LMNA: variants seen among roughly 807,000 people sequenced by gnomAD.
The protein encoded by LMNA is lamin.
A neutral mutation model predicts 70.4 loss-of-function variants in LMNA; 20 were observed. That is an observed-to-expected ratio of 0.28 (90% CI 0.20 to 0.41). The LOEUF (loss-of-function observed/expected upper bound fraction) is 0.41, where lower values mean the gene tolerates loss of function less well. LMNA is among the 10% of genes least tolerant of loss of function. LMNA has a pLI of 1.00. For synonymous variants in LMNA, 339 were observed against 372.8 expected, an observed-to-expected ratio of 0.91 and a Z score of 1.04; for missense variants, 652 against 917.2, an observed-to-expected ratio of 0.71 and a Z score of 3.73.
At chr1:156,107,519 CT>C (rs1649394273) in intron 3 of LMNA, among the ~76,000 whole-genome samples, 2 of 152,182 alleles carry the variant, frequency 1.3e-5, no homozygotes, top group Admixed American at 6.5e-5. Flanking sequence ...TGGAAGTGGG[CT>C]GGGGGGATCA....
At position 156,136,497 on chromosome 1, in the gene LMNA, GA is replaced by G; in HGVS notation, c.1380+63del. The G allele has an allele frequency of 1.4e-6, 2 of 1,475,866 alleles. No individual in the cohort carries two copies. Among genetic ancestry groups the G allele is most frequent in the Non-Finnish European group, 1.8e-6 (2 of 1,086,020 alleles). 91.4% of individuals were successfully genotyped at this position (1,475,866 alleles called of 1,614,324 possible). A position where few individuals can be genotyped will look rare whatever the true frequency, so the allele number is the denominator to read the frequency against. On this transcript the variant is annotated intron_variant, in intron 7 of 11. Coordinates refer to ENST00000368300, the MANE Select transcript of LMNA (RefSeq NM_170707.4). This position sits in a 1 kb window ranked among gnomAD's most constrained non-coding sequence, Gnocchi z 6.1. ...GCATCAGGGAGAGAGTGGCAAGACA[GA>G]AGGATGGCATGTGGAGAGAGGAACA...
chr1:156,092,304 G>A (rs1418800542), intron 3 of LMNA, among the ~76,000 whole-genome samples: 1 of 152,152 alleles, frequency 6.6e-6, no homozygotes, highest in Non-Finnish European at 1.5e-5. Flanking sequence ...AGGAGCACTT[G>A]AGTTCAAGGT....
intron 1 of LMNA, among the ~76,000 whole-genome samples, chr1:156,119,513 G>A (rs1226440498): frequency 1.3e-5 from 2 of 152,228 alleles, no homozygotes; most frequent in Non-Finnish European, 2.9e-5. Flanking sequence ...CTTGGCCTTG[G>A]CCTCCCAAAG....
At chr1:156,111,255 C>T (rs2102810637), upstream of LMNA, among the ~76,000 whole-genome samples, 1 of 152,128 alleles carries the variant, frequency 6.6e-6, no homozygotes, top group South Asian at 2.1e-4. Context: ...TCGAGACCAG[C>T]CTGGCCAACA....
At chr1:156,098,483 G>A (rs1241237183) in intron 3 of LMNA, among the ~76,000 whole-genome samples, 4 of 152,194 alleles carry the variant, frequency 2.6e-5, no homozygotes, top group Admixed American at 6.5e-5. Flanking sequence ...AAGAAGGTAC[G>A]CAACTCATGG....
In LMNA at chr1:156,138,671, A is replaced by G. The variant is rs747253572; in HGVS notation, c.1882A>G (p.Ser628Gly). 2 of 1,613,674 alleles carry G rather than the reference A, an allele frequency of 1.2e-6. No individual in the cohort carries two copies. Among genetic ancestry groups the G allele is most frequent in the Admixed American group, 3.3e-5 (2 of 60,008 alleles). The change falls in exon 11 of 12, where the codon AGT (serine) becomes GGT (glycine). Residue 628 changes from serine (S) to glycine (G), a missense_variant. Transcript: ENST00000368300. This position sits in a 1 kb window ranked among gnomAD's most constrained non-coding sequence, Gnocchi z 5.5. ...TGTCACGGTCACTCGCAGCTACCGC[A>G]GTGTGGGGGGCAGTGGGGGTGGCAG... ...SSVTVTRSYR[S>G]VGGSGGGSFG... is the part of the protein sequence containing the mutation.
rs1421900388 is a variant in LMNA at position 156,129,350 on chromosome 1, G to A, written c.357-1267G>A. ...ACTCTCCTAAGCAGAACACTGCCTG[G>A]GTCTCGTCCTCCAGAGCTTCTGCAA... On this transcript the variant is annotated intron_variant, in intron 1 of 11. Transcript: ENST00000368300. Among the ~76,000 whole-genome samples the A allele has an allele frequency of 2.0e-5, 3 of 152,086 alleles. No homozygotes were observed. The South Asian group carries it at 6.2e-4, about 32-fold the overall frequency.
intron 2 of LMNA, among the ~76,000 whole-genome samples, chr1:156,089,446 C>A (rs1333019702): frequency 6.6e-6 from 1 of 151,634 alleles, no homozygotes; most frequent in African/African-American, 2.4e-5. Flanking sequence ...CAGGCGCGCA[C>A]CCCCACGCCC....
Position 156,134,453 on chromosome 1 carries a change from G to A in LMNA, c.564G>A (p.Leu188=), listed in dbSNP as rs750762996. 6 of 1,614,086 alleles carry A rather than the reference G, an allele frequency of 3.7e-6. No homozygotes were observed. Among genetic ancestry groups the A allele is most frequent in the East Asian group, 2.2e-5 (1 of 44,894 alleles). The change falls in exon 3 of 12, where the codon CTG becomes CTA. Residue 188 remains leucine, a synonymous_variant. Transcript: ENST00000368300. This position sits in a 1 kb window ranked among gnomAD's most constrained non-coding sequence, Gnocchi z 5.3. ...AGAAGCAACTTCAGGATGAGATGCT[G>A]CGGCGGGTGGATGCTGAGAACAGGC... ...EAKKQLQDEM[L]RRVDAENRLQ...
chr1:156,097,764 C>T (rs1040330147), intron 3 of LMNA, among the ~76,000 whole-genome samples: 15 of 152,214 alleles, frequency 9.9e-5, no homozygotes, highest in African/African-American at 2.9e-4. Flanking sequence ...AACACTGATA[C>T]GGAGGAAAGC....
At chr1:156,104,127 C>A (rs886648337) in intron 3 of LMNA, among the ~76,000 whole-genome samples, 2 of 152,240 alleles carry the variant, frequency 1.3e-5, no homozygotes, top group Non-Finnish European at 2.9e-5. Flanking sequence ...TTCCCTTAGC[C>A]CAGCTCTCTG....
At chr1:156,128,881 G>C (rs1050510447) in intron 1 of LMNA, among the ~76,000 whole-genome samples, 1 of 152,192 alleles carries the variant, frequency 6.6e-6, no homozygotes, top group Non-Finnish European at 1.5e-5. Context: ...CCAGCCTGGG[G>C]GTCAGCCCAA....
At chr1:156,119,332 G>T (rs1384123850) in intron 1 of LMNA, among the ~76,000 whole-genome samples, 1 of 152,130 alleles carries the variant, frequency 6.6e-6, no homozygotes, top group African/African-American at 2.4e-5. Flanking sequence ...TGGCCAGGAT[G>T]GTCTTGATCT....
chr1:156,090,213 T>C (rs1041367241), intron 2 of LMNA, among the ~76,000 whole-genome samples: 1 of 152,194 alleles, frequency 6.6e-6, no homozygotes, highest in South Asian at 2.1e-4. Context: ...AATTAGAATG[T>C]CAGAGCTGGA....
upstream of LMNA, among the ~76,000 whole-genome samples, chr1:156,111,748 A>G (rs1174992243): frequency 6.6e-6 from 1 of 152,236 alleles, no homozygotes; most frequent in African/African-American, 2.4e-5. Flanking sequence ...CACTCTACCC[A>G]TACTACAGGT....
At chr1:156,129,539 G>A (rs1650868512) in intron 1 of LMNA, among the ~76,000 whole-genome samples, 3 of 152,082 alleles carry the variant, frequency 2.0e-5, no homozygotes, top group Non-Finnish European at 1.5e-5. Flanking sequence ...TGCTGTGGTG[G>A]GCTCATGCTT....
At chr1:156,089,140 C>A (rs550591449) in intron 2 of LMNA, among the ~76,000 whole-genome samples, 2 of 152,022 alleles carry the variant, frequency 1.3e-5, no homozygotes, top group East Asian at 3.9e-4. Flanking sequence ...CCCTGCCTGG[C>A]TAATTTTTGT....
At chr1:156,129,680 C>T (rs1558125283) in intron 1 of LMNA, 2 of 603,308 alleles carry the variant, frequency 3.3e-6, no homozygotes, top group Non-Finnish European at 6.0e-6. Flanking sequence ...TTCTTGGGTT[C>T]TCTGGAGGTT....
intron 2 of LMNA, among the ~76,000 whole-genome samples, chr1:156,087,911 C>T (rs1290487294): frequency 2.7e-5 from 4 of 150,296 alleles, no homozygotes; most frequent in Non-Finnish European, 5.9e-5. Flanking sequence ...CTCGCTCGGT[C>T]ACCAGGCTGG....
Sources: allele counts gnomAD v4.1 joint callset (sites outside exome capture counted in the v4.1 genomes callset), GRCh38; gene constraint gnomAD v4.1.1; non-coding constraint Gnocchi (gnomAD v3.1); transcripts MANE v1.5; gene names NCBI Gene and HGNC (gene_info 2026-07-23, HGNC 2026-07-21).